The following SMG6 variants were observed in gnomAD, a reference collection of about 807,000 sequenced individuals.
SMG6 encodes the protein SMG6 nonsense mediated mRNA decay factor.
SMG6 carries 66 observed loss-of-function variants against 142.2 expected under a neutral mutation model. The ratio of observed to expected loss-of-function variants is 0.46; its 90% confidence interval spans 0.38 to 0.57. The LOEUF (loss-of-function observed/expected upper bound fraction) is 0.57. Among genes scored for constraint, SMG6 ranks in the 20% least tolerant of loss-of-function variants. The pLI is 0.00. For synonymous variants in SMG6, 779 were observed against 702.4 expected (o/e 1.11, Z -1.72); for missense variants, 1,793 against 1,832.0 (o/e 0.98, Z 0.39).
chr17:2,253,449 T>C (rs1312188941), intron 8 of SMG6, among the ~76,000 whole-genome samples: 4 of 151,940 alleles, frequency 2.6e-5, no homozygotes, highest in East Asian at 1.9e-4. Flanking sequence ...AGAAAAAAAA[T>C]GTCTGCTGAT....
At chr17:2,094,225 A>T (rs541363663) in intron 13 of SMG6, among the ~76,000 whole-genome samples, 1 of 152,148 alleles carries the variant, frequency 6.6e-6, no homozygotes, top group South Asian at 2.1e-4. Flanking sequence ...GGGTTTGAGG[A>T]GGCCCTGCAA....
intron 8 of SMG6, among the ~76,000 whole-genome samples, chr17:2,273,604 G>A (rs1441068177): frequency 2.6e-5 from 4 of 152,050 alleles, no homozygotes; most frequent in Non-Finnish European, 5.9e-5. Flanking sequence ...TTGCACTCCA[G>A]CCCGGGCAAC....
chr17:2,283,563 C>A lies in SMG6; in HGVS notation c.2448+62G>T, dbSNP rs117846521. 3,646 of 1,356,416 alleles carry A rather than the reference C, an allele frequency of 2.7e-3. 10 individuals carry two copies. The highest frequency in any genetic ancestry group is 3.2e-3 in the Non-Finnish European group (3,050 of 946,820). The allele number at this position is 1,356,416 out of a possible 1,614,324, so 84.0% of individuals were successfully genotyped here. A position where few individuals can be genotyped will look rare whatever the true frequency, so the allele number is the denominator to read the frequency against. On this transcript the variant is annotated intron_variant, in intron 7 of 18. Coordinates refer to ENST00000263073, the MANE Select transcript of SMG6 (RefSeq NM_017575.5). ...CCTGCCGGTGCGCAGAGCTAGGGCACACCAACACTCAGGGAAATGCACTAT... is the reference window on the plus strand; with the variant it reads ...CCTGCCGGTGCGCAGAGCTAGGGCAAACCAACACTCAGGGAAATGCACTAT...
Position 2,068,720 on chromosome 17 carries a change from G to C in SMG6, c.3835+58C>G. On this transcript the variant is annotated intron_variant, in intron 16 of 18. Coordinates refer to ENST00000263073, the MANE Select transcript of SMG6 (RefSeq NM_017575.5). This position sits in a 1 kb window ranked among gnomAD's most constrained non-coding sequence, Gnocchi z 6.7. ...GCCTGGCCCCCAGGCCGTGGGGCGT[G>C]TGTGGAGGGGGCTGCTGTGCACATG... The C allele has an allele frequency of 1.9e-5, 30 of 1,565,764 alleles. No individual in the cohort carries two copies. Among genetic ancestry groups the C allele is most frequent in the Non-Finnish European group, 2.6e-5 (30 of 1,150,096 alleles).
chr17:2,244,093 A>G (rs2073874796), intron 9 of SMG6, among the ~76,000 whole-genome samples: 1 of 152,216 alleles, frequency 6.6e-6, no homozygotes, highest in African/African-American at 2.4e-5. Context: ...TTAGTTTTGC[A>G]CACACTACCT....
chr17:2,209,557 T>C (rs1282726987), intron 10 of SMG6, among the ~76,000 whole-genome samples: 1 of 152,148 alleles, frequency 6.6e-6, no homozygotes, highest in Admixed American at 6.5e-5. Flanking sequence ...AGAGATGGGG[T>C]TTCACCATGT....
intron 13 of SMG6, among the ~76,000 whole-genome samples, chr17:2,126,998 G>A (rs1351273012): frequency 6.6e-6 from 1 of 151,992 alleles, no homozygotes; most frequent in African/African-American, 2.4e-5. Context: ...AATTAGCTGG[G>A]TGTGGTGGTA....
chr17:2,261,102 C>A (rs966808239), intron 8 of SMG6, among the ~76,000 whole-genome samples: 6 of 151,640 alleles, frequency 4.0e-5, no homozygotes, highest in Admixed American at 1.3e-4. Context: ...GTCAGGAGAT[C>A]GAGACCATCC....
Position 2,065,593 on chromosome 17 carries a change from G to A in SMG6, c.3922C>T (p.Arg1308Cys), listed in dbSNP as rs768097999. 18 of 1,613,956 alleles carry A rather than the reference G, an allele frequency of 1.1e-5. No individual in the cohort carries two copies. Among genetic ancestry groups the A allele is most frequent in the Non-Finnish European group, 9.3e-6 (11 of 1,180,034 alleles). ...GYARVVQEKA[R>C]KSIEFLEQRF... ...TGCTCGAGGAACTCGATGGACTTGC[G>A]GGCCTTCTCTTGTACCACACGGGCG... The change falls in exon 17 of 19, where the codon CGC becomes TGC. Residue 1308 changes from arginine (R) to cysteine (C), a missense_variant. Around this residue, in one of 3 missense-constraint regions of SMG6, gnomAD observed 179 missense variants for 212.6 expected, o/e 0.84. Transcript: ENST00000263073.
rs1285261610 is a variant in SMG6, at chr17:2,065,208, G to A, written c.4048-54C>T. The A allele has an allele frequency of 5.0e-6, 7 of 1,389,738 alleles. No individual in the cohort carries two copies. In the Admixed American group the frequency reaches 8.8e-5, roughly 18 times the overall value. 86.1% of individuals were successfully genotyped at this position (1,389,738 alleles called of 1,614,324 possible). ...ACTGGGCAGAAGGGGGCGCCATGTG[G>A]AGGAGGAGGAGGGATCCTCTGCCTC... On this transcript the variant is annotated intron_variant, in intron 17 of 18. Transcript: ENST00000263073.
At chr17:2,127,053 C>A (rs754171721) in intron 13 of SMG6, among the ~76,000 whole-genome samples, 2 of 150,580 alleles carry the variant, frequency 1.3e-5, no homozygotes, top group Admixed American at 6.6e-5. Context: ...GTGGGAGGAT[C>A]CCTTGGGCTT....
At chr17:2,262,655 A>T (rs1201676630) in intron 8 of SMG6, among the ~76,000 whole-genome samples, 2 of 152,190 alleles carry the variant, frequency 1.3e-5, no homozygotes, top group Non-Finnish European at 2.9e-5. Flanking sequence ...GTTCACCCTG[A>T]GTTAATCTCT....
chr17:2,279,573 T>C (rs1200444481), intron 8 of SMG6, among the ~76,000 whole-genome samples: 1 of 152,144 alleles, frequency 6.6e-6, no homozygotes, highest in African/African-American at 2.4e-5. Flanking sequence ...CTTTCCATAG[T>C]ATATGGATTA....
At chr17:2,245,014 G>T in intron 8 of SMG6, 1 of 359,676 alleles carries the variant, frequency 2.8e-6, no homozygotes, top group Non-Finnish European at 5.1e-6. Context: ...TATAAAGAAA[G>T]GTGCCCACAG....
chr17:2,276,065 G>T (rs946638148), intron 8 of SMG6, among the ~76,000 whole-genome samples: 4 of 152,148 alleles, frequency 2.6e-5, no homozygotes, highest in African/African-American at 9.7e-5. Context: ...AATTCTCTAG[G>T]AGTTGTCAAA....
At chr17:2,065,339 C>A in intron 17 of SMG6, 129 bp downstream of exon 17, 1 of 1,017,358 alleles carries the variant, frequency 9.8e-7, no homozygotes, top group Non-Finnish European at 1.5e-6. Context: ...AAGGAACTCC[C>A]CCACCTGGGC....
intron 10 of SMG6, chr17:2,232,802 G>A (rs1289842404): frequency 3.9e-5 from 6 of 152,086 alleles, no homozygotes; most frequent in Non-Finnish European, 8.8e-5. Flanking sequence ...AACTTATTTC[G>A]CCCTGTAGGA....
intron 10 of SMG6, among the ~76,000 whole-genome samples, chr17:2,200,466 G>A (rs759098195): frequency 2.0e-5 from 3 of 150,294 alleles, no homozygotes; most frequent in African/African-American, 7.4e-5. Context: ...CCATCAACTC[G>A]TCATTTACAT....
chr17:2,209,987 G>T (rs1011830939), intron 10 of SMG6, among the ~76,000 whole-genome samples: 1 of 152,098 alleles, frequency 6.6e-6, no homozygotes, highest in Non-Finnish European at 1.5e-5. Context: ...GCTAAAGAAA[G>T]GCACTTCCCC....
Sources: allele counts gnomAD v4.1 joint callset (sites outside exome capture counted in the v4.1 genomes callset), GRCh38; gene constraint gnomAD v4.1.1; regional missense constraint gnomAD v4.1.1; non-coding constraint Gnocchi (gnomAD v3.1); transcripts MANE v1.5; gene names NCBI Gene and HGNC (gene_info 2026-07-23, HGNC 2026-07-21).